The following EPHA7 variants were observed in gnomAD, a reference collection of about 807,000 sequenced individuals.
EPHA7 encodes the protein EPH receptor A7, also known as ephrin type-A receptor 7.
A neutral mutation model predicts 112.6 loss-of-function variants in EPHA7; 25 were observed. That is an observed-to-expected ratio of 0.22 (90% CI 0.16 to 0.31). The LOEUF (loss-of-function observed/expected upper bound fraction) is 0.31. Among genes scored for constraint, EPHA7 ranks in the 10% least tolerant of loss-of-function variants. The probability of loss-of-function intolerance (pLI) is 1.00; values close to 1 mark genes in which losing one functional copy is unlikely to be tolerated. For missense variants in EPHA7, 962 were observed against 1,212.6 expected, an observed-to-expected ratio of 0.79 and a Z score of 3.07; for synonymous variants, 437 against 406.5, an observed-to-expected ratio of 1.07 and a Z score of -0.90.
intron 3 of EPHA7, among the ~76,000 whole-genome samples, chr6:93,399,394 C>T (rs1319548462): frequency 1.3e-5 from 2 of 151,896 alleles, no homozygotes; most frequent in South Asian, 2.1e-4. Context: ...TTTGTTTACA[C>T]CTTTGTTGTT....
chr6:93,379,512 CA>C, intron 3 of EPHA7, among the ~76,000 whole-genome samples: 1 of 151,922 alleles, frequency 6.6e-6, no homozygotes, highest in East Asian at 1.9e-4. Context: ...CGATATGTAA[CA>C]ATAACTTTTT....
intron 3 of EPHA7, among the ~76,000 whole-genome samples, chr6:93,403,680 A>G (rs1168355725): frequency 6.6e-6 from 1 of 151,900 alleles, no homozygotes; most frequent in Non-Finnish European, 1.5e-5. Context: ...AAAAAAAAGA[A>G]AAAGGAGAGA....
At chr6:93,315,548 G>T (rs1367589968) in intron 5 of EPHA7, among the ~76,000 whole-genome samples, 5 of 152,078 alleles carry the variant, frequency 3.3e-5, no homozygotes, top group Non-Finnish European at 5.9e-5. Flanking sequence ...GATTTCAGCT[G>T]TTATCTCTGG....
At chr6:93,341,001 G>C (rs933992641) in intron 5 of EPHA7, among the ~76,000 whole-genome samples, 13 of 151,900 alleles carry the variant, frequency 8.6e-5, no homozygotes, top group Non-Finnish European at 1.9e-4. Context: ...AGGAATGACA[G>C]TGGAAACTGG....
chr6:93,250,489 G>A (rs1019434739), intron 14 of EPHA7, among the ~76,000 whole-genome samples: 4 of 151,920 alleles, frequency 2.6e-5, no homozygotes, highest in African/African-American at 4.8e-5. Flanking sequence ...AATGTGTGGC[G>A]CACAGGAAAA....
chr6:93,319,660 A>C (rs1454106827), intron 5 of EPHA7, among the ~76,000 whole-genome samples: 1 of 152,154 alleles, frequency 6.6e-6, no homozygotes, highest in Non-Finnish European at 1.5e-5. Context: ...TGTAGAGTCA[A>C]GTATAGAACA....
chr6:93,411,132 C>T lies in EPHA7; in HGVS notation c.201G>A (p.Pro67=), dbSNP rs769023437. 63 of 1,613,592 alleles carry T rather than the reference C, an allele frequency of 3.9e-5. No individual in the cohort carries two copies. Among genetic ancestry groups the T allele is most frequent in the Non-Finnish European group, 4.8e-5 (57 of 1,179,920 alleles). Residue 67 remains proline, a synonymous_variant, in exon 3 of 17, where the codon CCG becomes CCA. Transcript: ENST00000369303. ...EISGLDENYT[P]IRTYQVCQVM... ...CTTGGCACACCTGGTATGTTCGTATCGGGGTATAGTTCTCATCCAAACCAC... is the reference window on the plus strand; with the variant it reads ...CTTGGCACACCTGGTATGTTCGTATTGGGGTATAGTTCTCATCCAAACCAC...
chr6:93,327,028 C>T (rs538316935), intron 5 of EPHA7, among the ~76,000 whole-genome samples: 3 of 151,534 alleles, frequency 2.0e-5, no homozygotes, highest in African/African-American at 7.3e-5. Flanking sequence ...TCTGTGCTAT[C>T]TAGAATTGGG....
intron 16 of EPHA7, among the ~76,000 whole-genome samples, chr6:93,244,700 C>T (rs1769867621): frequency 6.6e-6 from 1 of 151,896 alleles, no homozygotes; most frequent in Non-Finnish European, 1.5e-5. Context: ...AAGAATTGAT[C>T]ATACATCTTC....
At chr6:93,334,144 C>A (rs1774740414) in intron 5 of EPHA7, among the ~76,000 whole-genome samples, 1 of 151,934 alleles carries the variant, frequency 6.6e-6, no homozygotes, top group Non-Finnish European at 1.5e-5. Flanking sequence ...TCAACAAAAA[C>A]AAACAGTGGG....
At chr6:93,335,547 A>C (rs1475501092) in intron 5 of EPHA7, among the ~76,000 whole-genome samples, 1 of 152,148 alleles carries the variant, frequency 6.6e-6, no homozygotes, top group Non-Finnish European at 1.5e-5. Context: ...TGTGTTTTAG[A>C]AGGGAGACCA....
In EPHA7 at chr6:93,246,834, C is replaced by T. The variant is rs754119070; in HGVS notation, c.2684G>A (p.Arg895Gln). The T allele has an allele frequency of 4.3e-6, 7 of 1,612,330 alleles. No individual in the cohort carries two copies. Among genetic ancestry groups the T allele is most frequent in the Admixed American group, 3.3e-5 (2 of 59,974 alleles). ...GGGAGTTTTCAGACTATTTGGGTTT[C>T]GAATCATTTTGTCTAGAATTCCAAC... ...QIVGILDKMI[R>Q]NPNSLKTPLG... The change falls in exon 15 of 17, where the codon CGA (arginine) becomes CAA (glutamine). Residue 895 changes from arginine (R) to glutamine (Q), a missense_variant. Physicochemically the swap from Arg to Gln is conservative, Grantham distance 43. Around this residue, in one of 3 missense-constraint regions of EPHA7, gnomAD observed 746 missense variants for 889.2 expected, o/e 0.84. Transcript: ENST00000369303.
intron 5 of EPHA7, among the ~76,000 whole-genome samples, chr6:93,311,630 TCTC>T: frequency 6.6e-6 from 1 of 152,100 alleles, no homozygotes; most frequent in East Asian, 1.9e-4. Context: ...GGAATCAACT[TCTC>T]CTAACTCCTA....
At chr6:93,338,372 T>C (rs183334164) in intron 5 of EPHA7, among the ~76,000 whole-genome samples, 10 of 152,168 alleles carry the variant, frequency 6.6e-5, no homozygotes, top group African/African-American at 2.4e-4. Context: ...ACCAATCAAA[T>C]ATATTAAATA....
At chr6:93,376,105 G>A (rs1777047046) in intron 3 of EPHA7, among the ~76,000 whole-genome samples, 2 of 152,058 alleles carry the variant, frequency 1.3e-5, no homozygotes, top group Non-Finnish European at 2.9e-5. Flanking sequence ...ACTGTCACCA[G>A]TAATTATCAG....
intron 5 of EPHA7, among the ~76,000 whole-genome samples, chr6:93,297,515 T>C (rs1772733014): frequency 6.6e-6 from 1 of 152,166 alleles, no homozygotes; most frequent in Non-Finnish European, 1.5e-5. Context: ...CTCCTTTTCT[T>C]TGATGTCTCA....
chr6:93,405,759 G>A (rs1778663894), intron 3 of EPHA7, among the ~76,000 whole-genome samples: 1 of 139,000 alleles, frequency 7.2e-6, no homozygotes, highest in South Asian at 2.3e-4. Context: ...CTAACCCACT[G>A]GTGTTTCTTA....
intron 3 of EPHA7, among the ~76,000 whole-genome samples, chr6:93,389,382 A>G (rs2127979417): frequency 6.6e-6 from 1 of 152,186 alleles, no homozygotes; most frequent in Non-Finnish European, 1.5e-5. Context: ...AAAGGTCTTG[A>G]GAGATTAAAT....
intron 3 of EPHA7, among the ~76,000 whole-genome samples, chr6:93,367,371 T>C (rs763032884): frequency 6.6e-6 from 1 of 152,208 alleles, no homozygotes; most frequent in Non-Finnish European, 1.5e-5. Flanking sequence ...TTATTATACA[T>C]TCTCATTATG....
Sources: gnomAD v4.1 joint callset for allele counts (sites outside exome capture counted in the v4.1 genomes callset) on GRCh38, gnomAD v4.1.1 for gene constraint, gnomAD v4.1.1 regional missense constraint, MANE v1.5 for transcripts, NCBI Gene and HGNC (gene_info 2026-07-23, HGNC 2026-07-21) for gene names.